Variants in MGAT5B observed in about 807,000 individuals in gnomAD.
MGAT5B encodes alpha-1,6-mannosylglycoprotein 6-beta-N-acetylglucosaminyltransferase B.
MGAT5B carries 54 observed loss-of-function variants against 95.1 expected under a neutral mutation model. The ratio of observed to expected loss-of-function variants is 0.57; its 90% CI spans 0.46 to 0.71. The LOEUF is 0.71. Ranked by LOEUF, MGAT5B falls within the 30% of genes least tolerant of loss-of-function variation. The probability of loss-of-function intolerance (pLI) is 0.00; values close to 1 mark genes in which losing one functional copy is unlikely to be tolerated. For synonymous variants in MGAT5B, 464 were observed against 451.0 expected (o/e 1.03, Z -0.36); for missense variants, 935 against 1,088.6 (o/e 0.86, Z 1.99).
At chr17:76,876,600 CTT>C (rs2071477111) in intron 2 of MGAT5B, among the ~76,000 whole-genome samples, 1 of 152,094 alleles carries the variant, frequency 6.6e-6, no homozygotes, top group Non-Finnish European at 1.5e-5. Context: ...GAGGAGAAGG[CTT>C]TTCTCGAAAA....
At chr17:76,877,141 C>T (rs1057308190) in intron 2 of MGAT5B, among the ~76,000 whole-genome samples, 2 of 151,946 alleles carry the variant, frequency 1.3e-5, no homozygotes, top group Non-Finnish European at 2.9e-5. Flanking sequence ...GCCTGGCCAG[C>T]GTGGTGAAAC....
chr17:76,945,004 G>A (rs1969991038), intron 15 of MGAT5B, among the ~76,000 whole-genome samples: 1 of 152,210 alleles, frequency 6.6e-6, no homozygotes, highest in South Asian at 2.1e-4. Context: ...GGGTGGGGAG[G>A]TTGAAGCCTA....
In MGAT5B at chr17:76,916,505, A is replaced by C. The variant is rs1276147950; in HGVS notation, c.1026-8461A>C. On this transcript the variant is annotated intron_variant, in intron 8 of 17. Transcript: ENST00000569840. This position sits in a 1 kb window ranked among gnomAD's most constrained non-coding sequence, Gnocchi z 5.3. Reference sequence around the variant, plus strand: ...GAGAACTTGGGGAGATCAGATAAGAAATGAGGACAGACCAGGCCCTCGGCT... The same window carrying C: ...GAGAACTTGGGGAGATCAGATAAGACATGAGGACAGACCAGGCCCTCGGCT... 6.6e-6 allele frequency among the ~76,000 whole-genome samples: 1 copy of C among 152,160 alleles called. No homozygotes were observed. The highest frequency in any genetic ancestry group is 1.9e-4 in the East Asian group (1 of 5,174).
At chr17:76,890,858 G>C (rs1967837273) in intron 3 of MGAT5B, among the ~76,000 whole-genome samples, 1 of 152,022 alleles carries the variant, frequency 6.6e-6, no homozygotes, top group African/African-American at 2.4e-5. Context: ...CAGGGTGCCA[G>C]CATGGTCAGC....
rs1344295714 is a variant in MGAT5B, at chr17:76,940,251, G to T, written c.1585-151G>T. 1 of 953,908 alleles carries T rather than the reference G, an allele frequency of 1.0e-6. No homozygotes were observed. The highest frequency in any genetic ancestry group is 1.7e-5 in the African/African-American group (1 of 59,930). The allele number at this position is 953,908 out of a possible 1,614,324, so 59.1% of individuals were successfully genotyped here. A position where few individuals can be genotyped will look rare whatever the true frequency, so the allele number is the denominator to read the frequency against. On this transcript the variant is annotated intron_variant, in intron 13 of 17. Transcript: ENST00000569840. This position sits in a 1 kb window ranked among gnomAD's most constrained non-coding sequence, Gnocchi z 4.3. ...GGCTGGCTTTTCCAGCCCTGTTATAGCTCACATAACAGGCTGAGCAAAAAT... is the reference window on the plus strand; with the variant it reads ...GGCTGGCTTTTCCAGCCCTGTTATATCTCACATAACAGGCTGAGCAAAAAT...
chr17:76,942,149 A>T (rs1038118912), intron 15 of MGAT5B, among the ~76,000 whole-genome samples: 16 of 152,218 alleles, frequency 1.1e-4, no homozygotes, highest in African/African-American at 3.6e-4. Flanking sequence ...GGGGAGGGAT[A>T]AAAAGCTCCC....
chr17:76,894,448 G>C (rs568909469), intron 3 of MGAT5B, among the ~76,000 whole-genome samples: 1 of 152,320 alleles, frequency 6.6e-6, no homozygotes, highest in African/African-American at 2.4e-5. Context: ...AATGCCTGTT[G>C]GCTGTGTAAC....
rs1430185056 is a variant in MGAT5B at position 76,875,085 on chromosome 17, A to G, written c.181+2122A>G. ...ATCAGTCCCCAAGTGTCCCCATGCC[A>G]CTTCACAGTCATTACTCACCCAAGG... On this transcript the variant is annotated intron_variant, in intron 2 of 17. Coordinates refer to ENST00000569840, the MANE Select transcript of MGAT5B (RefSeq NM_001199172.2). 2.0e-5 allele frequency among the ~76,000 whole-genome samples: 3 copies of G among 152,320 alleles called. No homozygotes were observed. In the South Asian group the frequency reaches 6.2e-4, roughly 32 times the overall value.
chr17:76,910,982 C>T (rs555365983), intron 8 of MGAT5B, among the ~76,000 whole-genome samples: 126 of 152,344 alleles, frequency 8.3e-4, no homozygotes, highest in Non-Finnish European at 1.5e-3. Context: ...CCACCCTCCC[C>T]AGGAGAATTC....
intron 3 of MGAT5B, among the ~76,000 whole-genome samples, chr17:76,897,727 T>TTCTTTC (rs761586072): frequency 4.1e-4 from 30 of 72,400 alleles, no homozygotes; most frequent in African/African-American, 1.0e-3. Flanking sequence ...CTTTCTTTCT[T>TTCTTTC]TTTCTTTTTT....
At chr17:76,874,907 A>G (rs1967131399) in intron 2 of MGAT5B, among the ~76,000 whole-genome samples, 1 of 152,138 alleles carries the variant, frequency 6.6e-6, no homozygotes, top group Non-Finnish European at 1.5e-5. Flanking sequence ...AGGTCATACA[A>G]TTGGACTAGA....
At chr17:76,891,106 A>T (rs567764383) in intron 3 of MGAT5B, among the ~76,000 whole-genome samples, 2 of 151,704 alleles carry the variant, frequency 1.3e-5, no homozygotes, top group African/African-American at 2.4e-5. Context: ...CTGGGATTAC[A>T]GGTGCACACC....
At chr17:76,927,702 G>A (rs1440932724) in intron 10 of MGAT5B, among the ~76,000 whole-genome samples, 1 of 152,252 alleles carries the variant, frequency 6.6e-6, no homozygotes, top group Admixed American at 6.5e-5. Context: ...GGTGTGCGGA[G>A]CTGCGTCCCC....
At chr17:76,907,461 C>T (rs1042665653) in intron 8 of MGAT5B, among the ~76,000 whole-genome samples, 3 of 152,074 alleles carry the variant, frequency 2.0e-5, no homozygotes, top group Admixed American at 2.0e-4. Flanking sequence ...GGCATCTACT[C>T]TATGTGGTCT....
intron 3 of MGAT5B, among the ~76,000 whole-genome samples, chr17:76,885,233 T>C (rs181584260): frequency 6.6e-6 from 1 of 152,316 alleles, no homozygotes; most frequent in East Asian, 1.9e-4. Flanking sequence ...TCTCTGACAC[T>C]GTCTGTGTGC....
chr17:76,933,394 C>T (rs911015445), intron 12 of MGAT5B, 97 bp downstream of exon 12: 11 of 1,488,326 alleles, frequency 7.4e-6, no homozygotes, highest in Admixed American at 1.7e-5. Context: ...GTTCTCCTGA[C>T]TCAGGCTCTC....
At chr17:76,928,200 C>G (rs570438186) in intron 10 of MGAT5B, among the ~76,000 whole-genome samples, 1 of 152,062 alleles carries the variant, frequency 6.6e-6, no homozygotes. Context: ...GGACCAGACT[C>G]CTTCTGCAGG....
At chr17:76,932,612 T>G in intron 10 of MGAT5B, 33 bp from the exon 11 acceptor site, 1 of 1,611,048 alleles carries the variant, frequency 6.2e-7, no homozygotes, top group Non-Finnish European at 8.5e-7. Flanking sequence ...GGTTGTTTGG[T>G]GACCCCATTC....
At chr17:76,945,526 C>T (rs1184453663) in intron 15 of MGAT5B, among the ~76,000 whole-genome samples, 1 of 152,080 alleles carries the variant, frequency 6.6e-6, no homozygotes, top group African/African-American at 2.4e-5. Context: ...TGACCTCAGG[C>T]GATCCGCCCA....
Sources: allele counts gnomAD v4.1 joint callset (sites outside exome capture counted in the v4.1 genomes callset), GRCh38; gene constraint gnomAD v4.1.1; non-coding constraint Gnocchi (gnomAD v3.1); transcripts MANE v1.5; gene names NCBI Gene and HGNC (gene_info 2026-07-23, HGNC 2026-07-21).